WNT5B: variants seen among roughly 807,000 people sequenced by gnomAD.
WNT5B encodes the protein Wnt family member 5B, also known as protein Wnt-5b.
WNT5B carries 18 observed loss-of-function variants against 36.5 expected under a neutral mutation model. The ratio of observed to expected loss-of-function variants is 0.49; its 90% CI spans 0.34 to 0.73. WNT5B has a LOEUF of 0.73. Ranked by LOEUF, WNT5B falls within the 30% of genes least tolerant of loss-of-function variation. The pLI is 0.01. For synonymous variants in WNT5B, 213 were observed against 212.3 expected (o/e 1.00, Z -0.03); for missense variants, 424 against 508.4 (o/e 0.83, Z 1.60).
upstream of WNT5B, among the ~76,000 whole-genome samples, chr12:1,626,193 A>G (rs1230337998): frequency 6.6e-6 from 1 of 151,922 alleles, no homozygotes; most frequent in Non-Finnish European, 1.5e-5. Context: ...TCCTGGGCTC[A>G]AGCAAGCCTC....
At chr12:1,628,534 C>T (rs1040904160), upstream of WNT5B, among the ~76,000 whole-genome samples, 2 of 152,172 alleles carry the variant, frequency 1.3e-5, no homozygotes, top group Admixed American at 6.5e-5. Flanking sequence ...AAGGCCTTTT[C>T]CTGCCTGTTG....
chr12:1,635,338 A>G (rs957899056), intron 3 of WNT5B, among the ~76,000 whole-genome samples: 2 of 152,254 alleles, frequency 1.3e-5, no homozygotes, highest in Non-Finnish European at 2.9e-5. Context: ...TTTGCTAAAG[A>G]ATGATAGAAA....
rs185081796 is a variant in WNT5B, at chr12:1,631,152, G to C, written c.-57-146G>C. 134 of 625,532 alleles carry C rather than the reference G, an allele frequency of 2.1e-4. 1 individual carries two copies. Among genetic ancestry groups the C allele is most frequent in the African/African-American group, 2.0e-3 (108 of 54,688 alleles). 38.7% of individuals were successfully genotyped at this position (625,532 alleles called of 1,614,324 possible). ...TAGGGTGGGAAGATGAGCAGTGGGA[G>C]GCGGAGGCTGGAAAGAGGCCGAGCT... is the stretch of plus-strand genomic sequence containing the variant. On this transcript the variant is annotated intron_variant, in intron 1 of 4. Transcript: ENST00000397196.
rs763891090 is a variant in WNT5B, at chr12:1,630,230, C to T, written c.-58+859C>T. Reference sequence around the variant, plus strand: ...CGCGCGGGGCTGCGCTCGTCAGGTCCGGGGCCCCGGGGAGGCCGCTGGGGG... The same window carrying T: ...CGCGCGGGGCTGCGCTCGTCAGGTCTGGGGCCCCGGGGAGGCCGCTGGGGG... On this transcript the variant is annotated intron_variant, in intron 1 of 4. Transcript: ENST00000397196. The surrounding 1 kb of genome is among the most constrained non-coding windows in gnomAD (Gnocchi z 5.3). 7.9e-5 allele frequency: 78 copies of T among 985,192 alleles called. No individual in the cohort carries two copies. Among genetic ancestry groups the T allele is most frequent in the Non-Finnish European group, 9.0e-5 (75 of 829,894 alleles). 61.0% of individuals were successfully genotyped at this position (985,192 alleles called of 1,614,324 possible). A position where few individuals can be genotyped will look rare whatever the true frequency, so the allele number is the denominator to read the frequency against.
At chr12:1,627,235 A>T (rs1175786981), upstream of WNT5B, among the ~76,000 whole-genome samples, 1 of 152,182 alleles carries the variant, frequency 6.6e-6, no homozygotes, top group Non-Finnish European at 1.5e-5. This position sits in a 1 kb window ranked among gnomAD's most constrained non-coding sequence, Gnocchi z 5.0. Context: ...ACCCTTGAAG[A>T]GGTCCCCACC....
intron 3 of WNT5B, among the ~76,000 whole-genome samples, chr12:1,638,373 C>T (rs1037300911): frequency 6.6e-6 from 1 of 152,226 alleles, no homozygotes; most frequent in African/African-American, 2.4e-5. Context: ...GGGAACTCTA[C>T]GTTTAACCTT....
At position 1,632,672 on chromosome 12, in the gene WNT5B, A is replaced by T; in HGVS notation, c.95A>T (p.Asn32Ile). The T allele has an allele frequency of 6.2e-7, 1 of 1,604,504 alleles. No individual in the cohort carries two copies. The highest frequency in any genetic ancestry group is 8.5e-7 in the Non-Finnish European group (1 of 1,171,988). Reference sequence around the variant, plus strand: ...TGCTGTCCTAGGTCATTAGCTTTGAACCCGGTGCAGAGACCCGAGATGTTT... The same window carrying T: ...TGCTGTCCTAGGTCATTAGCTTTGATCCCGGTGCAGAGACCCGAGATGTTT... ...DANSWWSLAL[N>I]PVQRPEMFII... Residue 32 changes from asparagine to isoleucine, a missense_variant, in exon 3 of 5, where the codon AAC becomes ATC. Transcript: ENST00000397196. The surrounding 1 kb of genome is among the most constrained non-coding windows in gnomAD (Gnocchi z 5.8).
At position 1,645,930 on chromosome 12, in the gene WNT5B, C is replaced by T. The variant is rs2154439940; in HGVS notation, c.758C>T (p.Ala253Val). Residue 253 changes from alanine (A) to valine (V), a missense_variant, in exon 5 of 5, where the codon GCC becomes GTC. Coordinates refer to ENST00000397196, the MANE Select transcript of WNT5B (RefSeq NM_032642.3). ...CTGAAGGAGAAGTACGACAGCGCGG[C>T]CGCCATGCGCGTCACCCGCAAGGGC... ...DRLKEKYDSA[A>V]AMRVTRKGRL... 1 of 1,610,120 alleles carries T rather than the reference C, an allele frequency of 6.2e-7. No homozygotes were observed.
chr12:1,628,229 C>T (rs1681380835), upstream of WNT5B, among the ~76,000 whole-genome samples: 1 of 151,586 alleles, frequency 6.6e-6, no homozygotes, highest in Admixed American at 6.6e-5. Flanking sequence ...TATCTTGGCT[C>T]ACTGCAACCT....
At chr12:1,636,497 C>CCATATATA (rs1344102251) in intron 3 of WNT5B, among the ~76,000 whole-genome samples, 1 of 81,104 alleles carries the variant, frequency 1.2e-5, no homozygotes, top group African/African-American at 4.6e-5. Context: ...GTGTTGCAGT[C>CCATATATA]TATATATATA....
At position 1,623,187 on chromosome 12, in the gene WNT5B, G is replaced by GTTT. The variant is rs771500550; in HGVS notation, c.-58+6068_-58+6070dup. On this transcript the variant is annotated intron_variant, in intron 1 of 4. Transcript: ENST00000310594. ...GGAAACCTTTGAAGGGTTTTTTGTTGTTTTTTTTTTTTTTTTTTTTTTTTT... is the reference window on the plus strand; with the variant it reads ...GGAAACCTTTGAAGGGTTTTTTGTTGTTTTTTTTTTTTTTTTTTTTTTTTTTTT... 9.4e-4 allele frequency among the ~76,000 whole-genome samples: 55 copies of GTTT among 58,374 alleles called. 13 individuals carry two copies. The highest frequency in any genetic ancestry group is 1.9e-3 in the African/African-American group (27 of 13,898). 38.3% of individuals were successfully genotyped at this position (58,374 alleles called of 152,430 possible). A position where few individuals can be genotyped will look rare whatever the true frequency, so the allele number is the denominator to read the frequency against.
rs1447197412 is a variant in WNT5B at position 1,646,229 on chromosome 12, G to A, written c.1057G>A (p.Val353Met). 1.9e-6 allele frequency: 3 copies of A among 1,612,920 alleles called. No individual in the cohort carries two copies. Among genetic ancestry groups the A allele is most frequent in the Non-Finnish European group, 2.5e-6 (3 of 1,179,552 alleles). Residue 353 changes from valine to methionine, a missense_variant, in exon 5 of 5, where the codon GTG (valine) becomes ATG (methionine). Transcript: ENST00000397196. ...FVRCKKCTEI[V>M]DQYICK ...CAGGTGTAAGAAGTGCACGGAGATC[G>A]TGGACCAGTACATCTGTAAATAGCC...
chr12:1,632,948 C>G lies in WNT5B; in HGVS notation c.328+43C>G. ...GAGGGCTCGGCCAAGGAACTGCACT[C>G]GTCTCGTTTGGGAGCAATTAAGCTC... On this transcript the variant is annotated intron_variant, in intron 3 of 4. Transcript: ENST00000397196. This position sits in a 1 kb window ranked among gnomAD's most constrained non-coding sequence, Gnocchi z 5.8. 1 of 1,564,664 alleles carries G rather than the reference C, an allele frequency of 6.4e-7. No individual in the cohort carries two copies. Among genetic ancestry groups the G allele is most frequent in the Non-Finnish European group, 8.7e-7 (1 of 1,150,724 alleles).
rs758687418 is a variant in WNT5B, at chr12:1,639,664, G to A, written c.329-20G>A. The A allele has an allele frequency of 3.3e-6, 5 of 1,507,074 alleles. No homozygotes were observed. The highest frequency in any genetic ancestry group is 1.8e-4 in the Middle Eastern group (1 of 5,636). The allele number at this position is 1,507,074 out of a possible 1,614,324, so 93.4% of individuals were successfully genotyped here. A position where few individuals can be genotyped will look rare whatever the true frequency, so the allele number is the denominator to read the frequency against. On this transcript the variant is annotated intron_variant, in intron 3 of 4. Coordinates refer to ENST00000397196, the MANE Select transcript of WNT5B (RefSeq NM_032642.3). ...GGAGAGGAGAGCGCACCCGCTTACC[G>A]CCCTGGCCTCATTCTGCAGGCAGCC... is the stretch of plus-strand genomic sequence containing the variant.
chr12:1,627,610 A>T (rs1419584574), upstream of WNT5B, among the ~76,000 whole-genome samples: 1 of 152,154 alleles, frequency 6.6e-6, no homozygotes, highest in African/African-American at 2.4e-5. The surrounding 1 kb of genome is among the most constrained non-coding windows in gnomAD (Gnocchi z 5.0). Context: ...TCCTAGCAGA[A>T]AAAGGAGGAG....
intron 1 of WNT5B, among the ~76,000 whole-genome samples, chr12:1,623,445 T>G (rs576210414): frequency 6.6e-6 from 1 of 152,118 alleles, no homozygotes; most frequent in African/African-American, 2.4e-5. Flanking sequence ...TCCGCCCGCC[T>G]CGGCCTCCCA....
intron 3 of WNT5B, among the ~76,000 whole-genome samples, chr12:1,639,284 C>T (rs2094568618): frequency 6.6e-6 from 1 of 151,406 alleles, no homozygotes; most frequent in African/African-American, 2.4e-5. Context: ...ACTACAGGCG[C>T]CCGCCACCAC....
At position 1,632,913 on chromosome 12, in the gene WNT5B, G is replaced by A. The variant is rs543362479; in HGVS notation, c.328+8G>A. On this transcript the variant is annotated splice_region_variant and intron_variant, in intron 3 of 4. Coordinates refer to ENST00000397196, the MANE Select transcript of WNT5B (RefSeq NM_032642.3). This position sits in a 1 kb window ranked among gnomAD's most constrained non-coding sequence, Gnocchi z 5.8. ...GGAGAGTCATGCAGATAGGTAAGAG[G>A]CCATTACAAGAGGGCTCGGCCAAGG... 8 of 1,600,822 alleles carry A rather than the reference G, an allele frequency of 5.0e-6. No homozygotes were observed. The South Asian group carries it at 6.6e-5, about 13-fold the overall frequency.
chr12:1,638,633 A>G (rs1228721645), intron 3 of WNT5B, among the ~76,000 whole-genome samples: 1 of 152,240 alleles, frequency 6.6e-6, no homozygotes, highest in Non-Finnish European at 1.5e-5. Flanking sequence ...GGTTCACCAC[A>G]GCAGTAAAGG....
Sources: gnomAD v4.1 joint callset for allele counts (sites outside exome capture counted in the v4.1 genomes callset) on GRCh38, gnomAD v4.1.1 for gene constraint, Gnocchi (gnomAD v3.1) non-coding constraint, MANE v1.5 for transcripts, NCBI Gene and HGNC (gene_info 2026-07-23, HGNC 2026-07-21) for gene names.